Variants in XPO5 observed in about 807,000 individuals in gnomAD.
The protein encoded by XPO5 is exportin-5.
In XPO5, 46 loss-of-function variants were observed where a neutral mutation model predicts 160.6. The ratio of observed to expected loss-of-function variants is 0.29; its 90% CI spans 0.23 to 0.37. The LOEUF is 0.37. XPO5 is among the 10% of genes least tolerant of loss of function. XPO5 has a pLI of 1.00. For missense variants in XPO5, 1,090 were observed against 1,463.9 expected (o/e 0.74, Z 4.17); for synonymous variants, 537 against 519.3 (o/e 1.03, Z -0.46).
In XPO5 at chr6:43,547,718, GA is replaced by G. The variant is rs1795028916; in HGVS notation, c.2061-12del. The G allele has an allele frequency of 6.2e-7, 1 of 1,612,664 alleles. No homozygotes were observed. Among genetic ancestry groups the G allele is most frequent in the Non-Finnish European group, 8.5e-7 (1 of 1,178,840 alleles). On this transcript the variant is annotated splice_polypyrimidine_tract_variant and intron_variant, in intron 18 of 31. Coordinates refer to ENST00000265351, the MANE Select transcript of XPO5 (RefSeq NM_020750.3). ...ACATCTGACAGCACTCTGAAGGTTG[GA>G]GGGGGAAAAACAAGTTACATCATGA... is the stretch of plus-strand genomic sequence containing the variant.
intron 7 of XPO5, 76 bp downstream of exon 7, chr6:43,567,093 G>T: frequency 7.0e-7 from 1 of 1,431,908 alleles, no homozygotes; most frequent in Admixed American, 2.7e-5. Flanking sequence ...ATGACTTTCT[G>T]CCACAACATG....
intron 11 of XPO5, chr6:43,558,919 C>A (rs945591949): frequency 4.5e-6 from 1 of 220,204 alleles, no homozygotes; most frequent in Non-Finnish European, 8.9e-6. Context: ...GAGCTACTTG[C>A]CTCAAATACT....
At position 43,526,781 on chromosome 6, in the gene XPO5, G is replaced by T. The variant is rs376011568; in HGVS notation, c.2921-34C>A. On this transcript the variant is annotated intron_variant, in intron 26 of 31. Coordinates refer to ENST00000265351, the MANE Select transcript of XPO5 (RefSeq NM_020750.3). Reference sequence around the variant, plus strand: ...AGAAAGCAGGGTTACTAGGTGAAGGGTGGGTATATACTACCACAACAGCCA... The same window carrying T: ...AGAAAGCAGGGTTACTAGGTGAAGGTTGGGTATATACTACCACAACAGCCA... 3.1e-4 allele frequency: 495 copies of T among 1,607,128 alleles called. No homozygotes were observed. In the African/African-American group the frequency reaches 5.8e-3, roughly 19 times the overall value.
At chr6:43,541,118 G>A (rs1344310668) in intron 20 of XPO5, among the ~76,000 whole-genome samples, 1 of 152,082 alleles carries the variant, frequency 6.6e-6, no homozygotes, top group African/African-American at 2.4e-5. Context: ...GGTAGTGGTG[G>A]GTTAGGGGTA....
chr6:43,570,441 A>G, intron 5 of XPO5, 61 bp downstream of exon 5: 1 of 1,490,406 alleles, frequency 6.7e-7, no homozygotes, highest in Non-Finnish European at 9.0e-7. Context: ...CCTTACTGTA[A>G]GATTAATCAA....
intron 8 of XPO5, 61 bp from the exon 9 acceptor site, chr6:43,562,407 A>C: frequency 8.3e-7 from 1 of 1,210,180 alleles, no homozygotes; most frequent in Non-Finnish European, 1.2e-6. Flanking sequence ...TAAAAACATC[A>C]CTTTGTGTCT....
chr6:43,556,141 T>C (rs753277011), intron 12 of XPO5, 177 bp from the exon 13 acceptor site: 41 of 816,314 alleles, frequency 5.0e-5, no homozygotes, highest in Non-Finnish European at 6.5e-5. Flanking sequence ...CCAGAAGTTT[T>C]TGAAAATAAA....
In XPO5 at chr6:43,524,894, G is replaced by A. The variant is rs746382854; in HGVS notation, c.3249C>T (p.His1083=). 46 of 1,613,846 alleles carry A rather than the reference G, an allele frequency of 2.9e-5. No homozygotes were observed. The highest frequency in any genetic ancestry group is 3.6e-5 in the Non-Finnish European group (42 of 1,179,910). The change falls in exon 30 of 32, where the codon CAC becomes CAT. Residue 1083 remains histidine (H), a synonymous_variant. Transcript: ENST00000265351. ...AAGCCATGCACCCGTCGTGCTGCCC[G>A]TGCATCTGTAAGCCTTTCAGCACAC... is the stretch of plus-strand genomic sequence containing the variant. ...FTSVLKGLQM[H]GQHDGCMASL... is the part of the protein sequence containing the mutation.
chr6:43,572,455 G>A (rs1763059831), intron 3 of XPO5, 51 bp downstream of exon 3: 5 of 1,576,570 alleles, frequency 3.2e-6, no homozygotes, highest in Admixed American at 3.3e-5. Flanking sequence ...AAGAAGTCAC[G>A]CTTTGCCTAA....
At chr6:43,525,319 C>A (rs1004943943) in intron 28 of XPO5, 105 bp from the exon 29 acceptor site, 88 of 1,091,992 alleles carry the variant, frequency 8.1e-5, no homozygotes, top group South Asian at 1.1e-4. Flanking sequence ...TCCTCCCCCC[C>A]TCTAAAGATG....
intron 27 of XPO5, 132 bp downstream of exon 27, chr6:43,526,547 AAGAGGG>A: frequency 1.1e-6 from 1 of 941,594 alleles, no homozygotes; most frequent in Non-Finnish European, 1.7e-6. Flanking sequence ...GGCACACAGC[AAGAGGG>A]CTGGTCCAGA....
At chr6:43,538,394 C>A (rs1794484526) in intron 20 of XPO5, among the ~76,000 whole-genome samples, 1 of 151,968 alleles carries the variant, frequency 6.6e-6, no homozygotes, top group African/African-American at 2.4e-5. Flanking sequence ...CAAGGATCCG[C>A]CTGCCTCGGC....
Position 43,549,904 on chromosome 6 carries a change from C to A in XPO5, c.1759G>T (p.Glu587Ter). ...LFSSVTFETVEESKAPRTRAV... is the reference protein window; with the variant it reads ...LFSSVTFETV The stretch of plus-strand genomic sequence containing the variant: ...ATTAATGGTCTTACCTTACTTTCTT[C>A]AACAGTTTCAAAAGTGACAGATGAA... The change falls in exon 16 of 32, where the codon GAA (glutamate) becomes TAA (stop). Residue 587 changes from glutamate (E) to a stop codon, truncating the protein, a stop_gained. Coordinates refer to ENST00000265351, the MANE Select transcript of XPO5 (RefSeq NM_020750.3). LOFTEE classifies it high-confidence loss of function. The A allele has an allele frequency of 6.2e-7, 1 of 1,611,444 alleles. No homozygotes were observed. Among genetic ancestry groups the A allele is most frequent in the South Asian group, 1.1e-5 (1 of 90,528 alleles).
At chr6:43,538,341 G>A (rs1339446054) in intron 20 of XPO5, among the ~76,000 whole-genome samples, 1 of 151,486 alleles carries the variant, frequency 6.6e-6, no homozygotes, top group Non-Finnish European at 1.5e-5. Context: ...AGTAGAGATG[G>A]GGTTTTGTCA....
intron 5 of XPO5, among the ~76,000 whole-genome samples, chr6:43,569,176 C>T (rs982732579): frequency 3.3e-5 from 5 of 151,814 alleles, no homozygotes; most frequent in Admixed American, 3.3e-4. Flanking sequence ...CCTGTAATCC[C>T]AGCTACTTGG....
At chr6:43,568,672 G>A in intron 6 of XPO5, 39 bp downstream of exon 6, 1 of 1,542,842 alleles carries the variant, frequency 6.5e-7, no homozygotes, top group Non-Finnish European at 8.8e-7. Flanking sequence ...CACCTGAAAG[G>A]TTCAAAGGTC....
chr6:43,525,298 T>A, intron 28 of XPO5, 84 bp from the exon 29 acceptor site: 1 of 668,356 alleles, frequency 1.5e-6, no homozygotes. Flanking sequence ...AGCCGGAGGG[T>A]TTTTTTTTTT....
At position 43,543,959 on chromosome 6, in the gene XPO5, G is replaced by A. The variant is rs1794840591; in HGVS notation, c.2342+2612C>T. 2.0e-5 allele frequency among the ~76,000 whole-genome samples: 3 copies of A among 152,148 alleles called. No individual in the cohort carries two copies. In the East Asian group the frequency reaches 5.8e-4, roughly 29 times the overall value. ...CTCACAGTGCTGGGATTATAGGCATGAGCTACCGCGCCCAGCCAATAAAAT... is the reference window on the plus strand; with the variant it reads ...CTCACAGTGCTGGGATTATAGGCATAAGCTACCGCGCCCAGCCAATAAAAT... On this transcript the variant is annotated intron_variant, in intron 20 of 31. Transcript: ENST00000265351.
In XPO5 at chr6:43,567,102, T is replaced by C. The variant is rs1033043131; in HGVS notation, c.834+67A>G. On this transcript the variant is annotated intron_variant, in intron 7 of 31. Transcript: ENST00000265351. ...CTTTAAATGACTTTCTGCCACAACATGCAATTAAACACATACACAGCCTAC... is the reference window on the plus strand; with the variant it reads ...CTTTAAATGACTTTCTGCCACAACACGCAATTAAACACATACACAGCCTAC... 11 of 1,456,732 alleles carry C rather than the reference T, an allele frequency of 7.6e-6. No individual in the cohort carries two copies. In the African/African-American group the frequency reaches 1.1e-4, roughly 15 times the overall value. The allele number at this position is 1,456,732 out of a possible 1,614,324, so 90.2% of individuals were successfully genotyped here.
Sources: allele counts gnomAD v4.1 joint callset (sites outside exome capture counted in the v4.1 genomes callset), GRCh38; gene constraint gnomAD v4.1.1; transcripts MANE v1.5; gene names NCBI Gene and HGNC (gene_info 2026-07-23, HGNC 2026-07-21).